Variants in TMEM120A observed in about 807,000 individuals in gnomAD.
TMEM120A encodes ion channel TACAN.
A neutral mutation model predicts 54.3 loss-of-function variants in TMEM120A; 45 were observed. The observed-to-expected ratio is 0.83, with a 90% CI of 0.65 to 1.06. The LOEUF (loss-of-function observed/expected upper bound fraction) is 1.06, where lower values mean the gene tolerates loss of function less well. TMEM120A is among the 50% of genes least tolerant of loss of function. The pLI is 0.00. For synonymous variants in TMEM120A, 204 were observed against 178.5 expected (o/e 1.14, Z -1.14); for missense variants, 424 against 441.7 (o/e 0.96, Z 0.36).
At position 75,987,794 on chromosome 7, in the gene TMEM120A, G is replaced by C. The variant is rs374150422; in HGVS notation, c.708C>G (p.Leu236=). The change falls in exon 9 of 12, where the codon CTC becomes CTG. Residue 236 remains leucine, a synonymous_variant. Coordinates refer to ENST00000493111, the MANE Select transcript of TMEM120A (RefSeq NM_031925.3). ...FSMYQSFVQF[L]QYYYQSGCLY... ...GGCAGCCGCTCTGGTAGTAGTACTG[G>C]AGAAACTGCACGAAGCCTGGGCCGG... 1 of 1,611,968 alleles carries C rather than the reference G, an allele frequency of 6.2e-7. No homozygotes were observed. The highest frequency in any genetic ancestry group is 1.3e-5 in the African/African-American group (1 of 74,934).
Position 75,987,818 on chromosome 7 carries a change from G to A in TMEM120A, c.692-8C>T, listed in dbSNP as rs1554560351. 1.9e-5 allele frequency: 31 copies of A among 1,610,444 alleles called. No homozygotes were observed. Among genetic ancestry groups the A allele is most frequent in the Non-Finnish European group, 2.3e-5 (27 of 1,179,004 alleles). On this transcript the variant is annotated splice_region_variant and splice_polypyrimidine_tract_variant and intron_variant, in intron 8 of 11. Transcript: ENST00000493111. ...GGAGAAACTGCACGAAGCCTGGGCC[G>A]GGCGGAGGACAGAGGAGCAGGGCTG...
At position 75,987,776 on chromosome 7, in the gene TMEM120A, GCTCTGGTAGTAGTA is replaced by G; in HGVS notation, c.712_725del (p.Tyr238ArgfsTer47). On this transcript the variant is annotated frameshift_variant, in exon 9 of 12. Transcript: ENST00000493111. LOFTEE classifies it high-confidence loss of function. ...GCGCCCGCAGGCGGTAGAGGCAGCC[GCTCTGGTAGTAGTA>G]CTGGAGAAACTGCACGAAGCCTGGG... is the stretch of plus-strand genomic sequence containing the variant. 1.2e-6 allele frequency: 2 copies of G among 1,612,220 alleles called. No individual in the cohort carries two copies. Among genetic ancestry groups the G allele is most frequent in the Non-Finnish European group, 1.7e-6 (2 of 1,179,748 alleles).
At chr7:75,993,553 G>A (rs1392358842) in intron 1 of TMEM120A, among the ~76,000 whole-genome samples, 1 of 152,236 alleles carries the variant, frequency 6.6e-6, no homozygotes, top group Admixed American at 6.5e-5. Context: ...TCAGTCTCTG[G>A]GGAGAAGCAC....
At chr7:75,987,882 G>A (rs183996132) in intron 8 of TMEM120A, 41 bp downstream of exon 8, 44 of 1,598,612 alleles carry the variant, frequency 2.8e-5, no homozygotes, top group Admixed American at 1.0e-4. Flanking sequence ...CCCCCACCAC[G>A]GGTGCCTCCA....
chr7:75,988,531 C>G lies in TMEM120A; in HGVS notation c.378-15G>C, dbSNP rs1554560813. 6 of 1,590,902 alleles carry G rather than the reference C, an allele frequency of 3.8e-6. No homozygotes were observed. The East Asian group carries it at 1.4e-4, about 36-fold the overall frequency. ...TGTAGGCAAACCTGGGGGGCGCAGGCCGGTGAGACGGGTGGGGTGCTGGTG... is the reference window on the plus strand; with the variant it reads ...TGTAGGCAAACCTGGGGGGCGCAGGGCGGTGAGACGGGTGGGGTGCTGGTG... On this transcript the variant is annotated splice_polypyrimidine_tract_variant and intron_variant, in intron 4 of 11. Transcript: ENST00000493111.
intron 7 of TMEM120A, 30 bp from the exon 8 acceptor site, chr7:75,988,014 G>T: frequency 1.3e-6 from 2 of 1,594,936 alleles, no homozygotes; most frequent in South Asian, 1.1e-5. Flanking sequence ...GCAGTGTGGG[G>T]ACCCTTGGGG....
rs549535191 is a variant in TMEM120A, at chr7:75,988,405, G to A, written c.473+16C>T. 89 of 1,610,418 alleles carry A rather than the reference G, an allele frequency of 5.5e-5. No homozygotes were observed. The highest frequency in any genetic ancestry group is 5.1e-4 in the East Asian group (23 of 44,670). On this transcript the variant is annotated intron_variant, in intron 5 of 11. Coordinates refer to ENST00000493111, the MANE Select transcript of TMEM120A (RefSeq NM_031925.3). ...CTGGGGATGGGGTGGGTCCTCGGCC[G>A]GGGTGGGACGCCCACCTGGAGTTGA...
chr7:75,993,477 T>C lies in TMEM120A; in HGVS notation c.82-920A>G, dbSNP rs544823031. On this transcript the variant is annotated intron_variant, in intron 1 of 11. Transcript: ENST00000493111. Reference sequence around the variant, plus strand: ...AGCCTAGAGATGGGGCAAGGGGCAGTGTGAGGAGAGCCAAGCAGGGGCTGT... The same window carrying C: ...AGCCTAGAGATGGGGCAAGGGGCAGCGTGAGGAGAGCCAAGCAGGGGCTGT... 9.2e-5 allele frequency among the ~76,000 whole-genome samples: 14 copies of C among 152,296 alleles called. No homozygotes were observed. In the South Asian group the frequency reaches 2.9e-3, roughly 32 times the overall value.
At chr7:75,993,948 GCCCACCCCTCCCACCCGT>G (rs1356027949) in intron 1 of TMEM120A, among the ~76,000 whole-genome samples, 57 of 76,992 alleles carry the variant, frequency 7.4e-4, no homozygotes, top group African/African-American at 2.2e-3. Flanking sequence ...GCCTAGCCCC[GCCCACCCCTCCCACCCGT>G]CCCACCCCTC....
In TMEM120A at chr7:75,994,590, A is replaced by G. The variant is rs1439673983; in HGVS notation, c.-20T>C. The G allele has an allele frequency of 3.3e-6, 5 of 1,516,414 alleles. No homozygotes were observed. Among genetic ancestry groups the G allele is most frequent in the Middle Eastern group, 1.7e-4 (1 of 5,728 alleles). 93.9% of individuals were successfully genotyped at this position (1,516,414 alleles called of 1,614,324 possible). ...CTGCATGGCTGCAGCGCCAGTAGCCAGTAGTGGAGGACGGCGCAGCAACCC... is the reference window on the plus strand; with the variant it reads ...CTGCATGGCTGCAGCGCCAGTAGCCGGTAGTGGAGGACGGCGCAGCAACCC... On this transcript the variant is annotated 5_prime_UTR_variant, in exon 1 of 12. Transcript: ENST00000493111.
intron 3 of TMEM120A, among the ~76,000 whole-genome samples, chr7:75,991,362 C>A (rs767626086): frequency 1.3e-5 from 2 of 152,102 alleles, no homozygotes; most frequent in Non-Finnish European, 2.9e-5. Flanking sequence ...CCTGCTGCTA[C>A]CTCTCGCCCT....
chr7:75,993,844 G>A (rs1337049500), intron 1 of TMEM120A, among the ~76,000 whole-genome samples: 2 of 152,134 alleles, frequency 1.3e-5, no homozygotes, highest in Admixed American at 6.6e-5. Context: ...AGCCACGGTG[G>A]CCCTGGGGAG....
Position 75,987,047 on chromosome 7 carries a change from C to T in TMEM120A, c.*125G>A. 1 of 805,494 alleles carries T rather than the reference C, an allele frequency of 1.2e-6. No individual in the cohort carries two copies. Among genetic ancestry groups the T allele is most frequent in the Non-Finnish European group, 2.0e-6 (1 of 500,354 alleles). 49.9% of individuals were successfully genotyped at this position (805,494 alleles called of 1,614,324 possible). Reference sequence around the variant, plus strand: ...AGGTCTTCCTTCAGGGCCCACAGCGCCCATAAAACCCAAGGGAGAATAGAA... The same window carrying T: ...AGGTCTTCCTTCAGGGCCCACAGCGTCCATAAAACCCAAGGGAGAATAGAA... On this transcript the variant is annotated 3_prime_UTR_variant, in exon 12 of 12. Coordinates refer to ENST00000493111, the MANE Select transcript of TMEM120A (RefSeq NM_031925.3).
intron 3 of TMEM120A, among the ~76,000 whole-genome samples, chr7:75,989,551 C>T (rs757572554): frequency 6.6e-6 from 1 of 151,346 alleles, no homozygotes; most frequent in African/African-American, 2.4e-5. Context: ...TCCCCCTGTC[C>T]CCGATTGCTC....
Position 75,992,475 on chromosome 7 carries a change from T to G in TMEM120A, c.164A>C (p.Lys55Thr), listed in dbSNP as rs1789881802. ...NNCTSSITRQ[K>T]KRLQELALAL... is the part of the protein sequence containing the mutation. Reference sequence around the variant, plus strand: ...GAGGGCCAGCTCCTGGAGCCGCTTCTTCTGCCGCGTGATGGAGCTGGTGCA... The same window carrying G: ...GAGGGCCAGCTCCTGGAGCCGCTTCGTCTGCCGCGTGATGGAGCTGGTGCA... The change falls in exon 2 of 12, where the codon AAG (lysine) becomes ACG (threonine). Residue 55 changes from lysine to threonine, a missense_variant. Transcript: ENST00000493111. The G allele has an allele frequency of 1.3e-6, 2 of 1,598,012 alleles. No homozygotes were observed. Among genetic ancestry groups the G allele is most frequent in the African/African-American group, 2.7e-5 (2 of 74,626 alleles).
Position 75,987,743 on chromosome 7 carries a change from C to T in TMEM120A, c.759G>A (p.Glu253=), listed in dbSNP as rs1789588790. Reference sequence around the variant, plus strand: ...CCACAGTGAGGTCCATGGTGTGCCGCTCGCCCAGCGCCCGCAGGCGGTAGA... The same window carrying T: ...CCACAGTGAGGTCCATGGTGTGCCGTTCGCCCAGCGCCCGCAGGCGGTAGA... The part of the protein sequence containing the change: ...GCLYRLRALG[E]RHTMDLTVEG... The change falls in exon 9 of 12, where the codon GAG becomes GAA. Residue 253 remains glutamate, a synonymous_variant. Coordinates refer to ENST00000493111, the MANE Select transcript of TMEM120A (RefSeq NM_031925.3). 2 of 1,612,228 alleles carry T rather than the reference C, an allele frequency of 1.2e-6. No homozygotes were observed. The highest frequency in any genetic ancestry group is 2.2e-5 in the South Asian group (2 of 91,050).
intron 3 of TMEM120A, 89 bp downstream of exon 3, chr7:75,992,055 A>C (rs1188971417): frequency 1.2e-5 from 11 of 942,892 alleles, no homozygotes; most frequent in Non-Finnish European, 1.8e-5. Flanking sequence ...CCCAGGGAAC[A>C]TTTGCTGACT....
chr7:75,991,229 C>A (rs1789832801), intron 3 of TMEM120A, among the ~76,000 whole-genome samples: 1 of 152,094 alleles, frequency 6.6e-6, no homozygotes, highest in South Asian at 2.1e-4. Context: ...GCACATTCCA[C>A]CGCCCCCGCC....
Position 75,988,083 on chromosome 7 carries a change from C to G in TMEM120A, c.629G>C (p.Trp210Ser). The G allele has an allele frequency of 6.2e-7, 1 of 1,607,086 alleles. No individual in the cohort carries two copies. The highest frequency in any genetic ancestry group is 8.5e-7 in the Non-Finnish European group (1 of 1,177,390). The change falls in exon 7 of 12, where the codon TGG (tryptophan) becomes TCG (serine). Residue 210 changes from tryptophan to serine, a missense_variant and splice_region_variant. Coordinates refer to ENST00000493111, the MANE Select transcript of TMEM120A (RefSeq NM_031925.3). ...STFLSGVMLT[W>S]PDGLMYQKFR... Reference sequence around the variant, plus strand: ...CCCCTGCCGGGGCCCAGCCACTCACCACGTCAGCATGACTCCCGACAGGAA... The same window carrying G: ...CCCCTGCCGGGGCCCAGCCACTCACGACGTCAGCATGACTCCCGACAGGAA...
Sources: gnomAD v4.1 joint callset for allele counts (sites outside exome capture counted in the v4.1 genomes callset) on GRCh38, gnomAD v4.1.1 for gene constraint, MANE v1.5 for transcripts, NCBI Gene and HGNC (gene_info 2026-07-23, HGNC 2026-07-21) for gene names.